SYT14: variants seen among roughly 807,000 people sequenced by gnomAD.
The protein encoded by SYT14 is synaptotagmin-14.
In SYT14, 32 loss-of-function variants were observed where a neutral mutation model predicts 74.2. The observed-to-expected ratio is 0.43, with a 90% CI of 0.33 to 0.58. The LOEUF is 0.58. Ranked by LOEUF, SYT14 falls within the 20% of genes least tolerant of loss-of-function variation. SYT14 has a pLI of 0.05. For synonymous variants in SYT14, 298 were observed against 337.7 expected, an observed-to-expected ratio of 0.88 and a Z score of 1.29; for missense variants, 791 against 981.8, an observed-to-expected ratio of 0.81 and a Z score of 2.60.
exon 5 of SYT14, chr1:210,021,212 G>C (rs148481999): frequency 6.2e-7 from 1 of 1,613,840 alleles, no homozygotes; most frequent in East Asian, 2.2e-5. Context: ...TCCTCTATCG[G>C]CAGAGTATGA....
chr1:209,977,198 C>G (rs1179810617), intron 2 of SYT14, among the ~76,000 whole-genome samples: 1 of 152,052 alleles, frequency 6.6e-6, no homozygotes, highest in East Asian at 1.9e-4. Flanking sequence ...AGCATTTAGC[C>G]CATTTACATT....
intron 1 of SYT14, among the ~76,000 whole-genome samples, chr1:209,951,685 C>T (rs1304434720): frequency 6.6e-6 from 1 of 152,200 alleles, no homozygotes; most frequent in South Asian, 2.1e-4. Context: ...AAATTAGTCA[C>T]AGCAAACCCA....
At chr1:210,037,066 TG>T (rs1194010211) in intron 5 of SYT14, among the ~76,000 whole-genome samples, 3 of 152,116 alleles carry the variant, frequency 2.0e-5, no homozygotes, top group Admixed American at 2.0e-4. Context: ...TGGGCTTTTT[TG>T]TTGTTGTTGG....
intron 7 of SYT14, among the ~76,000 whole-genome samples, chr1:210,122,675 G>A (rs890651756): frequency 6.6e-5 from 10 of 150,570 alleles, no homozygotes; most frequent in South Asian, 6.3e-4. Context: ...CAAAAAAACA[G>A]ACCACATGCC....
At chr1:210,094,563 A>G in exon 6 of SYT14, 2 of 1,613,940 alleles carry the variant, frequency 1.2e-6, no homozygotes, top group Non-Finnish European at 1.7e-6. Flanking sequence ...AAGATGTTCC[A>G]AGTGACAGCA....
intron 7 of SYT14, among the ~76,000 whole-genome samples, chr1:210,125,426 A>G (rs1472095621): frequency 6.6e-6 from 1 of 152,212 alleles, no homozygotes; most frequent in African/African-American, 2.4e-5. Context: ...CATGGTGTAT[A>G]GTAGCTAGTT....
intron 6 of SYT14, among the ~76,000 whole-genome samples, chr1:210,098,239 C>T (rs1558187324): frequency 6.6e-6 from 1 of 151,868 alleles, no homozygotes; most frequent in Non-Finnish European, 1.5e-5. Flanking sequence ...AAGCACTCTC[C>T]CGACCTAAAA....
intron 2 of SYT14, among the ~76,000 whole-genome samples, chr1:209,964,157 G>A (rs2079118629): frequency 6.6e-6 from 1 of 152,192 alleles, no homozygotes; most frequent in African/African-American, 2.4e-5. Context: ...TGCTGTTCTC[G>A]TGTTAGTGAG....
intron 2 of SYT14, among the ~76,000 whole-genome samples, chr1:209,982,236 C>G (rs892079401): frequency 9.2e-5 from 14 of 152,048 alleles, no homozygotes; most frequent in African/African-American, 1.9e-4. Context: ...GCTCACTGCA[C>G]CCTTGATCTT....
At chr1:210,006,621 A>G (rs1220501961) in intron 2 of SYT14, among the ~76,000 whole-genome samples, 1 of 151,964 alleles carries the variant, frequency 6.6e-6, no homozygotes, top group Non-Finnish European at 1.5e-5. Flanking sequence ...GCCCAGCAGG[A>G]CAAATCAGCA....
chr1:210,079,894 C>G (rs1333507878), intron 5 of SYT14, among the ~76,000 whole-genome samples: 1 of 152,190 alleles, frequency 6.6e-6, no homozygotes, highest in East Asian at 1.9e-4. Flanking sequence ...TTTGGACAAT[C>G]TTCCTTTCAA....
chr1:210,132,570 TGTGTGTGTG>T (rs2082698921), intron 7 of SYT14, among the ~76,000 whole-genome samples: 16 of 139,452 alleles, frequency 1.1e-4, no homozygotes, highest in South Asian at 4.4e-4. Flanking sequence ...TTATATATTG[TGTGTGTGTG>T]TGTGTGTGTG....
At chr1:210,062,805 A>C (rs1229355486) in intron 5 of SYT14, among the ~76,000 whole-genome samples, 1 of 151,828 alleles carries the variant, frequency 6.6e-6, no homozygotes, top group Non-Finnish European at 1.5e-5. Context: ...TTTAATTGTG[A>C]AAATAATTTC....
chr1:210,112,762 C>T (rs1011623638), intron 7 of SYT14, among the ~76,000 whole-genome samples: 1 of 151,148 alleles, frequency 6.6e-6, no homozygotes, highest in African/African-American at 2.5e-5. Flanking sequence ...GATGGAGGAC[C>T]CTTGCGTAGT....
At chr1:210,151,836 T>TGG (rs2083170295) in intron 7 of SYT14, among the ~76,000 whole-genome samples, 1 of 152,162 alleles carries the variant, frequency 6.6e-6, no homozygotes, top group Non-Finnish European at 1.5e-5. Flanking sequence ...AGCAGTGAAG[T>TGG]GGGGAGTGTT....
chr1:210,057,977 T>G (rs968724089), intron 5 of SYT14, among the ~76,000 whole-genome samples: 1 of 152,230 alleles, frequency 6.6e-6, no homozygotes, highest in Non-Finnish European at 1.5e-5. Flanking sequence ...GTTGTACATT[T>G]AGGTCTATAC....
At chr1:210,166,842 T>C (rs2083461002) in exon 10 of SYT14, 1 of 152,146 alleles carries the variant, frequency 6.6e-6, no homozygotes, top group Admixed American at 6.5e-5. Flanking sequence ...TGCCTGTAGA[T>C]CAGACCTTTA....
At chr1:209,980,168 G>A (rs2079455954) in intron 2 of SYT14, among the ~76,000 whole-genome samples, 1 of 152,036 alleles carries the variant, frequency 6.6e-6, no homozygotes, top group South Asian at 2.1e-4. Flanking sequence ...GTGTAAGATG[G>A]TATCTCATTG....
At chr1:210,100,060 C>T in exon 7 of SYT14, 1 of 1,614,060 alleles carries the variant, frequency 6.2e-7, no homozygotes, top group Non-Finnish European at 8.5e-7. Flanking sequence ...ACCTTTTGAT[C>T]CTGAGCCAGA....
Sources: gnomAD v4.1 joint callset for allele counts (sites outside exome capture counted in the v4.1 genomes callset) on GRCh38, gnomAD v4.1.1 for gene constraint, MANE v1.5 for transcripts, NCBI Gene and HGNC (gene_info 2026-07-23, HGNC 2026-07-21) for gene names.